Variants in F13A1 observed in about 807,000 individuals in gnomAD.
F13A1 encodes the protein FSF, A subunit.
Under a neutral mutation model 80.1 loss-of-function variants are expected in F13A1, and 47 were observed. That is an observed-to-expected ratio of 0.59 (90% confidence interval 0.46 to 0.75). F13A1 has a LOEUF of 0.75. Ranked by LOEUF, F13A1 falls within the 30% of genes least tolerant of loss-of-function variation. The pLI, the probability that F13A1 is intolerant of heterozygous loss-of-function variation, is 0.00. For synonymous variants in F13A1, 349 were observed against 344.9 expected (o/e 1.01, Z -0.13); for missense variants, 817 against 930.4 (o/e 0.88, Z 1.59).
At chr6:6,220,575 G>A (rs1260637607) in intron 8 of F13A1, among the ~76,000 whole-genome samples, 1 of 151,950 alleles carries the variant, frequency 6.6e-6, no homozygotes, top group African/African-American at 2.4e-5. Flanking sequence ...GTCTGTGTGT[G>A]TGTGTGTGTG....
In F13A1 at chr6:6,243,254, C is replaced by T. The variant is rs576880024; in HGVS notation, c.798+5058G>A. On this transcript the variant is annotated intron_variant, in intron 6 of 14. Coordinates refer to ENST00000264870, the MANE Select transcript of F13A1 (RefSeq NM_000129.4). This position sits in a 1 kb window ranked among gnomAD's most constrained non-coding sequence, Gnocchi z 4.2. ...TCACCATCTCCACCACCACCATCAC[C>T]ATCATCATCACTATCACCACCATAA... 2.0e-5 allele frequency among the ~76,000 whole-genome samples: 3 copies of T among 151,706 alleles called. No homozygotes were observed. The highest frequency in any genetic ancestry group is 1.3e-4 in the Admixed American group (2 of 15,240).
intron 3 of F13A1, among the ~76,000 whole-genome samples, chr6:6,271,129 C>T (rs1276667073): frequency 6.6e-6 from 1 of 152,156 alleles, no homozygotes; most frequent in East Asian, 1.9e-4. Flanking sequence ...GATTGGCAGG[C>T]TTTTCATATT....
At chr6:6,238,420 G>A (rs1378382652) in intron 6 of F13A1, among the ~76,000 whole-genome samples, 1 of 152,074 alleles carries the variant, frequency 6.6e-6, no homozygotes, top group Non-Finnish European at 1.5e-5. Flanking sequence ...TAAAACATAG[G>A]AGAAATAGTG....
At chr6:6,286,526 A>G (rs902241350) in intron 3 of F13A1, among the ~76,000 whole-genome samples, 4 of 152,344 alleles carry the variant, frequency 2.6e-5, no homozygotes, top group Admixed American at 2.0e-4. Context: ...CTCCTGCTCT[A>G]AAACTTGCCC....
At chr6:6,316,084 TA>T (rs1758678371) in intron 2 of F13A1, among the ~76,000 whole-genome samples, 1 of 5,670 alleles carries the variant, frequency 1.8e-4, no homozygotes, top group Non-Finnish European at 3.3e-4. Flanking sequence ...TGTGCATATA[TA>T]TATATATATA....
intron 10 of F13A1, among the ~76,000 whole-genome samples, chr6:6,191,829 C>T (rs576324812): frequency 5.9e-5 from 9 of 152,330 alleles, no homozygotes; most frequent in African/African-American, 2.2e-4. Flanking sequence ...CTGCTCTCAG[C>T]AATGCGGTTA....
chr6:6,211,826 A>G (rs1045041471), intron 8 of F13A1, among the ~76,000 whole-genome samples: 13 of 152,216 alleles, frequency 8.5e-5, no homozygotes, highest in African/African-American at 2.4e-4. Flanking sequence ...TGCGCGCACC[A>G]TGCGCGAGCC....
intron 10 of F13A1, among the ~76,000 whole-genome samples, chr6:6,190,487 A>G (rs35593637): frequency 0.11 from 14,156 of 131,566 alleles, 1,248 homozygotes; most frequent in South Asian, 0.21. Flanking sequence ...CCTGCTGTGT[A>G]AGGTGTCAGT....
At chr6:6,310,779 A>G (rs553307529) in intron 2 of F13A1, among the ~76,000 whole-genome samples, 12 of 152,274 alleles carry the variant, frequency 7.9e-5, no homozygotes, top group African/African-American at 2.9e-4. Flanking sequence ...TCATAATAGC[A>G]CTGAGCATTT....
At chr6:6,202,442 T>C (rs1043694878) in intron 8 of F13A1, among the ~76,000 whole-genome samples, 1 of 152,208 alleles carries the variant, frequency 6.6e-6, no homozygotes, top group Admixed American at 6.5e-5. Flanking sequence ...TAGGAGGTGC[T>C]CAGTAAGTGT....
At chr6:6,289,515 A>G (rs968389936) in intron 3 of F13A1, among the ~76,000 whole-genome samples, 3 of 149,364 alleles carry the variant, frequency 2.0e-5, no homozygotes, top group African/African-American at 7.7e-5. Flanking sequence ...GGGGAAAAAA[A>G]GGAGGGGAAA....
rs142491273 is a variant in F13A1 at position 6,205,746 on chromosome 6, G to A, written c.1113-8420C>T. 2.2e-3 allele frequency among the ~76,000 whole-genome samples: 326 copies of A among 151,434 alleles called. 2 individuals are homozygous for A. Among genetic ancestry groups the A allele is most frequent in the Non-Finnish European group, 4.2e-3 (282 of 67,874 alleles). On this transcript the variant is annotated intron_variant, in intron 8 of 14. Coordinates refer to ENST00000264870, the MANE Select transcript of F13A1 (RefSeq NM_000129.4). The stretch of plus-strand genomic sequence containing the variant: ...TTTTTTAGTGTAGTACCTCCAAATG[G>A]AACAGGCAGGGAATGAAACCAAATT...
Position 6,176,368 on chromosome 6 carries a change from C to G in F13A1, c.1460-1501G>C, listed in dbSNP as rs182129654. ...GCATTGTGTCATTTAATCCTCATAACAACACTATAAGACAGACACTATTAT... is the reference window on the plus strand; with the variant it reads ...GCATTGTGTCATTTAATCCTCATAAGAACACTATAAGACAGACACTATTAT... On this transcript the variant is annotated intron_variant, in intron 11 of 14. Coordinates refer to ENST00000264870, the MANE Select transcript of F13A1 (RefSeq NM_000129.4). 3.9e-5 allele frequency among the ~76,000 whole-genome samples: 6 copies of G among 152,294 alleles called. No individual in the cohort carries two copies. In the East Asian group the frequency reaches 1.2e-3, roughly 29 times the overall value.
chr6:6,212,813 C>T (rs1230289528), intron 8 of F13A1, among the ~76,000 whole-genome samples: 2 of 151,936 alleles, frequency 1.3e-5, no homozygotes, highest in African/African-American at 2.4e-5. Flanking sequence ...ACTAGAATAA[C>T]CAATACAGAG....
At chr6:6,233,854 A>G (rs1368344455) in intron 6 of F13A1, among the ~76,000 whole-genome samples, 4 of 152,196 alleles carry the variant, frequency 2.6e-5, no homozygotes, top group Non-Finnish European at 5.9e-5. Flanking sequence ...AAATCACATG[A>G]TCATCTCAAT....
chr6:6,229,302 C>T (rs764868496), intron 6 of F13A1, among the ~76,000 whole-genome samples: 3 of 152,034 alleles, frequency 2.0e-5, no homozygotes, highest in Non-Finnish European at 2.9e-5. Context: ...TTTCTCACAA[C>T]CTTTTAGGAG....
intron 3 of F13A1, among the ~76,000 whole-genome samples, chr6:6,295,550 G>A (rs1437566184): frequency 6.8e-6 from 1 of 146,024 alleles, no homozygotes; most frequent in Non-Finnish European, 1.5e-5. Flanking sequence ...CTTCTTTTGA[G>A]AAGTGTCTGT....
At chr6:6,284,382 T>G (rs1162201148) in intron 3 of F13A1, among the ~76,000 whole-genome samples, 1 of 152,240 alleles carries the variant, frequency 6.6e-6, no homozygotes, top group African/African-American at 2.4e-5. Context: ...ATAGAAAAGC[T>G]GTTTGATGGA....
intron 13 of F13A1, among the ~76,000 whole-genome samples, chr6:6,158,080 G>A (rs1232806780): frequency 4.6e-5 from 7 of 152,188 alleles, no homozygotes. Flanking sequence ...GGGATGGAGA[G>A]TCAGCTATGG....
Sources: allele counts gnomAD v4.1 joint callset (sites outside exome capture counted in the v4.1 genomes callset), GRCh38; gene constraint gnomAD v4.1.1; non-coding constraint Gnocchi (gnomAD v3.1); transcripts MANE v1.5; gene names NCBI Gene and HGNC (gene_info 2026-07-23, HGNC 2026-07-21).